The following NSFL1C variants were observed in gnomAD, a reference collection of about 807,000 sequenced individuals.
The protein encoded by NSFL1C is NSFL1 cofactor p47.
Under a neutral mutation model 43.1 loss-of-function variants are expected in NSFL1C, and 14 were observed. The observed-to-expected ratio is 0.32, with a 90% CI of 0.21 to 0.51. The LOEUF is 0.51. Among genes scored for constraint, NSFL1C ranks in the 20% least tolerant of loss-of-function variants. NSFL1C has a pLI of 0.98. For synonymous variants in NSFL1C, 171 were observed against 183.5 expected, an observed-to-expected ratio of 0.93 and a Z score of 0.55; for missense variants, 406 against 472.5, an observed-to-expected ratio of 0.86 and a Z score of 1.30.
chr20:1,443,809 CTCA>C lies in NSFL1C; in HGVS notation c.1050_1052del (p.Asp350del). 6.2e-7 allele frequency: 1 copy of C among 1,614,168 alleles called. No individual in the cohort carries two copies. The highest frequency in any genetic ancestry group is 8.5e-7 in the Non-Finnish European group (1 of 1,180,024). On this transcript the variant is annotated inframe_deletion, in exon 9 of 9. Coordinates refer to ENST00000216879, the MANE Select transcript of NSFL1C (RefSeq NM_016143.5). ...GGTTGGCTTCCTTCAGGGTCTGGCT[CTCA>C]TCAGCCAGCTCTTTGTTCGGGAAAG... is the stretch of plus-strand genomic sequence containing the variant.
rs1167976875 is a variant in NSFL1C, at chr20:1,443,017, A to G, written c.*732T>C. On this transcript the variant is annotated 3_prime_UTR_variant, in exon 9 of 9. Transcript: ENST00000216879. ...TTCTGCACGTGGAGTAAATCAAGCC[A>G]TAATGGAGCCCCTGAGAATCCCCAG... is the stretch of plus-strand genomic sequence containing the variant. The G allele has an allele frequency of 6.6e-6, 1 of 152,252 alleles. No individual in the cohort carries two copies. Among genetic ancestry groups the G allele is most frequent in the African/African-American group, 2.4e-5 (1 of 41,462 alleles). The allele number at this position is 152,252 out of a possible 1,614,324, so 9.4% of individuals were successfully genotyped here.
intron 3 of NSFL1C, chr20:1,457,993 A>T: frequency 2.2e-6 from 1 of 450,188 alleles, no homozygotes; most frequent in Non-Finnish European, 4.0e-6. Flanking sequence ...ATATTCCTCA[A>T]TAAATACATT....
chr20:1,458,361 T>C, intron 2 of NSFL1C, 87 bp from the exon 3 acceptor site: 1 of 1,092,880 alleles, frequency 9.2e-7, no homozygotes, highest in Non-Finnish European at 1.4e-6. Context: ...GTGAAGACAC[T>C]GAGGTTACAT....
intron 4 of NSFL1C, 132 bp downstream of exon 4, chr20:1,454,835 G>T: frequency 1.1e-6 from 1 of 942,732 alleles, no homozygotes; most frequent in Non-Finnish European, 1.6e-6. Context: ...AACTACACTC[G>T]TGTTCCGCAC....
At chr20:1,450,912 T>C (rs1016697378) in intron 7 of NSFL1C, among the ~76,000 whole-genome samples, 4 of 152,192 alleles carry the variant, frequency 2.6e-5, no homozygotes, top group African/African-American at 7.2e-5. Flanking sequence ...TAAAGGATGA[T>C]AGCCATACTT....
chr20:1,452,089 C>T (rs2090192618), intron 7 of NSFL1C, among the ~76,000 whole-genome samples: 1 of 152,228 alleles, frequency 6.6e-6, no homozygotes, highest in South Asian at 2.1e-4. Context: ...AAGGAGATGA[C>T]ACCTTCCCTG....
At chr20:1,457,218 G>T (rs2090320768) in intron 3 of NSFL1C, 1 of 152,116 alleles carries the variant, frequency 6.6e-6, no homozygotes, top group Non-Finnish European at 1.5e-5. Flanking sequence ...GAAAAAGCTG[G>T]AAAGAAATAT....
Position 1,464,256 on chromosome 20 carries a change from C to T in NSFL1C, c.203+73G>A, listed in dbSNP as rs148858953. 4.1e-5 allele frequency: 55 copies of T among 1,348,744 alleles called. No homozygotes were observed. The Middle Eastern group carries it at 3.8e-3, about 92-fold the overall frequency. 83.5% of individuals were successfully genotyped at this position (1,348,744 alleles called of 1,614,324 possible). ...CCTGGTCCACACACCCAGGCCTGAA[C>T]GCTCTGGTCAGAAAATAGCTCCTCT... On this transcript the variant is annotated intron_variant, in intron 2 of 8. Coordinates refer to ENST00000216879, the MANE Select transcript of NSFL1C (RefSeq NM_016143.5).
chr20:1,458,902 CAAG>C (rs1383075376), intron 2 of NSFL1C, among the ~76,000 whole-genome samples: 1 of 149,988 alleles, frequency 6.7e-6, no homozygotes, highest in Non-Finnish European at 1.5e-5. Context: ...GCAGGTTAGT[CAAG>C]AAGTATTTAT....
chr20:1,454,396 GAAGA>G (rs2090252726), intron 4 of NSFL1C, 91 bp from the exon 5 acceptor site: 1 of 884,684 alleles, frequency 1.1e-6, no homozygotes, highest in Non-Finnish European at 1.8e-6. Flanking sequence ...TAGGTAAGAG[GAAGA>G]AAGAGGACAG....
At chr20:1,464,306 C>A in intron 2 of NSFL1C, 23 bp downstream of exon 2, 1 of 1,600,864 alleles carries the variant, frequency 6.2e-7, no homozygotes, top group Non-Finnish European at 8.6e-7. Flanking sequence ...ACTCATGTAG[C>A]GATAATTGAA....
chr20:1,455,070 C>A lies in NSFL1C; in HGVS notation c.341G>T (p.Ser114Ile). Reference protein sequence around the residue: ...QQIVGPPRKKSPNELVDDLFK... With the variant: ...QQIVGPPRKKIPNELVDDLFK... ...GAGATCATCCACCAGCTCGTTGGGA[C>A]TTTTCTTCCTGGGAGGGCCAACAAT... is the stretch of plus-strand genomic sequence containing the variant. Residue 114 changes from serine to isoleucine, a missense_variant, in exon 4 of 9, where the codon AGT becomes ATT. Ser to Ile is a moderately radical substitution (Grantham distance 142). This residue lies in a region of NSFL1C where 203 missense variants were observed against 216.3 expected (regional missense o/e 0.94). Coordinates refer to ENST00000216879, the MANE Select transcript of NSFL1C (RefSeq NM_016143.5). The A allele has an allele frequency of 6.2e-7, 1 of 1,614,188 alleles. No homozygotes were observed. The highest frequency in any genetic ancestry group is 1.7e-5 in the Admixed American group (1 of 60,024).
At chr20:1,452,716 C>T in intron 6 of NSFL1C, 86 bp from the exon 7 acceptor site, 2 of 1,538,198 alleles carry the variant, frequency 1.3e-6, no homozygotes, top group South Asian at 1.2e-5. Context: ...ACCTCTCAGT[C>T]CCGTGGTGAA....
Position 1,455,650 on chromosome 20 carries a change from A to C in NSFL1C, c.279-518T>G, listed in dbSNP as rs1005976889. 27 of 779,514 alleles carry C rather than the reference A, an allele frequency of 3.5e-5. No homozygotes were observed. The Admixed American group carries it at 4.4e-4, about 13-fold the overall frequency. The allele number at this position is 779,514 out of a possible 1,614,324, so 48.3% of individuals were successfully genotyped here. ...CTGTATGTCCTGGGTAAGCCAGTGCACTACTCTGTGACTCACTTTCCTTGT... is the reference window on the plus strand; with the variant it reads ...CTGTATGTCCTGGGTAAGCCAGTGCCCTACTCTGTGACTCACTTTCCTTGT... On this transcript the variant is annotated intron_variant, in intron 3 of 8. Coordinates refer to ENST00000216879, the MANE Select transcript of NSFL1C (RefSeq NM_016143.5).
intron 7 of NSFL1C, among the ~76,000 whole-genome samples, chr20:1,451,798 A>G (rs1276531696): frequency 6.6e-6 from 1 of 152,230 alleles, no homozygotes; most frequent in East Asian, 1.9e-4. Context: ...TTTGAATGGA[A>G]GATAGAGAAT....
At position 1,452,565 on chromosome 20, in the gene NSFL1C, T is replaced by C. The variant is rs899155337; in HGVS notation, c.713A>G (p.His238Arg). The change falls in exon 7 of 9, where the codon CAT becomes CGT. Residue 238 changes from histidine to arginine, a missense_variant. Coordinates refer to ENST00000216879, the MANE Select transcript of NSFL1C (RefSeq NM_016143.5). ...GGQVNLDMEDHRDEDFVKPKG... is the reference protein window; with the variant it reads ...GGQVNLDMEDRRDEDFVKPKG... ...GGGCTTCACAAAGTCCTCGTCCCGA[T>C]GGTCCTCCATATCCAAGTTCACCTG... The C allele has an allele frequency of 1.2e-6, 2 of 1,614,178 alleles. No homozygotes were observed. Among genetic ancestry groups the C allele is most frequent in the East Asian group, 2.2e-5 (1 of 44,880 alleles).
intron 5 of NSFL1C, among the ~76,000 whole-genome samples, 182 bp downstream of exon 5, chr20:1,454,031 A>AC (rs2090242011): frequency 6.6e-6 from 1 of 152,158 alleles, no homozygotes; most frequent in Admixed American, 6.6e-5. Context: ...CTCACCCAGC[A>AC]CCCAGGAAAC....
chr20:1,455,555 G>C (rs1426429647), intron 3 of NSFL1C, among the ~76,000 whole-genome samples: 2 of 152,194 alleles, frequency 1.3e-5, no homozygotes, highest in African/African-American at 2.4e-5. Context: ...GCTACCACTA[G>C]TGACTTGGGG....
chr20:1,464,239 A>G (rs2090466188), intron 2 of NSFL1C, 90 bp downstream of exon 2: 1 of 1,108,038 alleles, frequency 9.0e-7, no homozygotes, highest in African/African-American at 1.5e-5. Context: ...GACCTGGTCC[A>G]CACACCCAGG....
Sources: gnomAD v4.1 joint callset for allele counts (sites outside exome capture counted in the v4.1 genomes callset) on GRCh38, gnomAD v4.1.1 for gene constraint, gnomAD v4.1.1 regional missense constraint, MANE v1.5 for transcripts, NCBI Gene and HGNC (gene_info 2026-07-23, HGNC 2026-07-21) for gene names.